SIPA1L1: variants seen among roughly 807,000 people sequenced by gnomAD.
SIPA1L1 encodes signal-induced proliferation-associated 1-like protein 1.
SIPA1L1 carries 26 observed loss-of-function variants against 162.7 expected under a neutral mutation model. The ratio of observed to expected loss-of-function variants is 0.16; its 90% CI spans 0.12 to 0.22. The LOEUF is 0.22. Ranked by LOEUF, SIPA1L1 falls within the 10% of genes least tolerant of loss-of-function variation. The pLI is 1.00. For missense variants in SIPA1L1, 1,874 were observed against 2,241.0 expected (o/e 0.84, Z 3.31); for synonymous variants, 829 against 837.4 (o/e 0.99, Z 0.17).
intron 2 of SIPA1L1, among the ~76,000 whole-genome samples, chr14:71,450,762 T>C (rs2045755400): frequency 6.6e-6 from 1 of 152,160 alleles, no homozygotes; most frequent in African/African-American, 2.4e-5. Flanking sequence ...GCAAGTGTTT[T>C]GAGAGGATGG....
intron 2 of SIPA1L1, among the ~76,000 whole-genome samples, chr14:71,413,745 A>G (rs972173529): frequency 6.6e-6 from 1 of 152,170 alleles, no homozygotes. Context: ...CTAAAAAACA[A>G]AAGCCCAATA....
At chr14:71,500,138 G>A (rs2050091364) in intron 2 of SIPA1L1, among the ~76,000 whole-genome samples, 2 of 152,248 alleles carry the variant, frequency 1.3e-5, no homozygotes, top group South Asian at 4.1e-4. Flanking sequence ...ACATTGATAA[G>A]TTGAACATTA....
rs376163457 is a variant in SIPA1L1 at position 71,377,135 on chromosome 14, C to T, written c.-465+55954C>T. 2.7e-5 allele frequency among the ~76,000 whole-genome samples: 4 copies of T among 148,206 alleles called. No individual in the cohort carries two copies. Among genetic ancestry groups the T allele is most frequent in the Non-Finnish European group, 6.0e-5 (4 of 66,776 alleles). On this transcript the variant is annotated intron_variant, in intron 2 of 23. Transcript: ENST00000381232. This position sits in a 1 kb window ranked among gnomAD's most constrained non-coding sequence, Gnocchi z 4.8. ...CGGGCAGAGGGGCCCCCCCACCCCC[C>T]AGATGGGGCGGCCAGGCAGAGGCAG...
rs779581754 is a variant in SIPA1L1, at chr14:71,730,113, C to G, written c.4673C>G (p.Ala1558Gly). ...CCCAGCACCCCCACCTCACGGCGGG[C>G]CTTGCACAGAACACTGTCGGACGAG... ...PFPSTPTSRR[A>G]LHRTLSDESI... The change falls in exon 20 of 24, where the codon GCC becomes GGC. Residue 1558 changes from alanine to glycine, a missense_variant. Around this residue, in one of 5 missense-constraint regions of SIPA1L1, gnomAD observed 936 missense variants for 1,051.9 expected, o/e 0.89. Coordinates refer to ENST00000381232, the MANE Select transcript of SIPA1L1 (RefSeq NM_001386936.1). The G allele has an allele frequency of 6.2e-7, 1 of 1,614,176 alleles. No individual in the cohort carries two copies. The highest frequency in any genetic ancestry group is 1.1e-5 in the South Asian group (1 of 91,086).
chr14:71,322,229 C>T (rs12884929), intron 2 of SIPA1L1, among the ~76,000 whole-genome samples: 34,016 of 152,140 alleles, frequency 0.22, 3,986 homozygotes, highest in Middle Eastern at 0.37. Context: ...AAGCCATTGT[C>T]TTTATGCTGG....
intron 10 of SIPA1L1, among the ~76,000 whole-genome samples, chr14:71,670,848 G>C (rs1380082613): frequency 6.6e-6 from 1 of 151,790 alleles, no homozygotes. Flanking sequence ...TCAGTTTCCT[G>C]TCTGGTAAAA....
intron 2 of SIPA1L1, among the ~76,000 whole-genome samples, chr14:71,505,421 C>CTTTTTTTT (rs530843410): frequency 7.8e-6 from 1 of 128,586 alleles, no homozygotes; most frequent in African/African-American, 2.8e-5. Context: ...TCTCTTTCTT[C>CTTTTTTTT]TTTTTTTTTT....
intron 10 of SIPA1L1, among the ~76,000 whole-genome samples, chr14:71,668,216 T>C (rs1212477091): frequency 6.6e-6 from 1 of 152,220 alleles, no homozygotes; most frequent in Non-Finnish European, 1.5e-5. Context: ...TCTTAGGCCA[T>C]GTGACCCATG....
chr14:71,616,171 C>T (rs766793875), intron 5 of SIPA1L1, among the ~76,000 whole-genome samples: 45 of 151,966 alleles, frequency 3.0e-4, no homozygotes, highest in African/African-American at 7.0e-4. Flanking sequence ...ACAGCCAGAG[C>T]GGTAGAAGGA....
chr14:71,590,018 G>T, intron 5 of SIPA1L1, among the ~76,000 whole-genome samples: 1 of 58,534 alleles, frequency 1.7e-5, no homozygotes, highest in African/African-American at 8.3e-5. Flanking sequence ...TTGAGTGGGA[G>T]AGTAAAAAAA....
At position 71,662,878 on chromosome 14, in the gene SIPA1L1, A is replaced by G. The variant is rs1410591134; in HGVS notation, c.2255+1411A>G. Among the ~76,000 whole-genome samples, 4 of 152,234 alleles carry G rather than the reference A, an allele frequency of 2.6e-5. No individual in the cohort carries two copies. The East Asian group carries it at 7.7e-4, about 29-fold the overall frequency. On this transcript the variant is annotated intron_variant, in intron 10 of 23. Transcript: ENST00000381232. ...ATAATTGGGATGGATAACTATTTGC[A>G]TTTAGAAAATACTCTGAGCAGTTAA...
intron 13 of SIPA1L1, among the ~76,000 whole-genome samples, chr14:71,697,430 A>G (rs1000502978): frequency 6.6e-6 from 1 of 152,224 alleles, no homozygotes; most frequent in Non-Finnish European, 1.5e-5. Context: ...GTTTAGCTTG[A>G]CTAGACACAT....
intron 3 of SIPA1L1, among the ~76,000 whole-genome samples, chr14:71,528,084 T>G (rs1416251730): frequency 3.3e-5 from 5 of 152,148 alleles, no homozygotes; most frequent in Non-Finnish European, 5.9e-5. Context: ...TAAAAGCAAT[T>G]CCAGCATCTT....
intron 2 of SIPA1L1, among the ~76,000 whole-genome samples, chr14:71,364,802 G>A (rs1301455696): frequency 6.6e-6 from 1 of 151,580 alleles, no homozygotes; most frequent in African/African-American, 2.4e-5. Context: ...CTGGAGTGCA[G>A]TAGTGCGATC....
chr14:71,364,173 A>G (rs2038065826), intron 2 of SIPA1L1, among the ~76,000 whole-genome samples: 2 of 152,234 alleles, frequency 1.3e-5, no homozygotes, highest in Non-Finnish European at 2.9e-5. Context: ...GCATCATCAC[A>G]GTCATGTGGC....
chr14:71,325,410 G>A (rs911716822), intron 2 of SIPA1L1, among the ~76,000 whole-genome samples: 5 of 152,182 alleles, frequency 3.3e-5, no homozygotes, highest in Admixed American at 1.3e-4. Context: ...GCATGGGAAA[G>A]ATTTGTGGCT....
chr14:71,708,020 T>C (rs2082589809), intron 16 of SIPA1L1, among the ~76,000 whole-genome samples: 2 of 125,314 alleles, frequency 1.6e-5, no homozygotes, highest in Non-Finnish European at 3.1e-5. Flanking sequence ...TTGGTGTTTT[T>C]TTTTTTTTGT....
At chr14:71,332,493 C>A (rs2034661218) in intron 2 of SIPA1L1, among the ~76,000 whole-genome samples, 1 of 152,052 alleles carries the variant, frequency 6.6e-6, no homozygotes, top group South Asian at 2.1e-4. Flanking sequence ...ATTTTGGTTT[C>A]CAAGGAGATA....
At chr14:71,347,367 C>A (rs561853361) in intron 2 of SIPA1L1, among the ~76,000 whole-genome samples, 1 of 152,234 alleles carries the variant, frequency 6.6e-6, no homozygotes, top group African/African-American at 2.4e-5. Context: ...ATATTCTATT[C>A]TAATAACATT....
Sources: allele counts gnomAD v4.1 joint callset (sites outside exome capture counted in the v4.1 genomes callset), GRCh38; gene constraint gnomAD v4.1.1; regional missense constraint gnomAD v4.1.1; non-coding constraint Gnocchi (gnomAD v3.1); transcripts MANE v1.5; gene names NCBI Gene and HGNC (gene_info 2026-07-23, HGNC 2026-07-21).